Variants in EYA3 observed in about 807,000 individuals in gnomAD.
The protein encoded by EYA3 is protein phosphatase EYA3.
A neutral mutation model predicts 80.0 loss-of-function variants in EYA3; 39 were observed. The ratio of observed to expected loss-of-function variants is 0.49; its 90% CI spans 0.38 to 0.64. The LOEUF (loss-of-function observed/expected upper bound fraction) is 0.64. EYA3 is among the 30% of genes least tolerant of loss of function. The pLI, the probability that EYA3 is intolerant of heterozygous loss-of-function variation, is 0.00. For synonymous variants in EYA3, 206 were observed against 232.8 expected (o/e 0.88, Z 1.05); for missense variants, 523 against 676.1 (o/e 0.77, Z 2.51).
At chr1:28,027,479 T>C (rs1468214282) in intron 7 of EYA3, among the ~76,000 whole-genome samples, 1 of 152,272 alleles carries the variant, frequency 6.6e-6, no homozygotes, top group East Asian at 1.9e-4. Flanking sequence ...TGCTCATTTA[T>C]AGGACAAAAT....
At chr1:28,058,356 T>C (rs1385642030) in intron 1 of EYA3, among the ~76,000 whole-genome samples, 1 of 152,192 alleles carries the variant, frequency 6.6e-6, no homozygotes, top group Admixed American at 6.5e-5. Context: ...CCTAATGCAT[T>C]GAACATTTTA....
intron 1 of EYA3, among the ~76,000 whole-genome samples, chr1:28,059,319 C>G (rs1644537088): frequency 6.6e-6 from 1 of 152,242 alleles, no homozygotes; most frequent in Non-Finnish European, 1.5e-5. Flanking sequence ...GTCAGAAGCA[C>G]TTGATGCTCA....
intron 3 of EYA3, among the ~76,000 whole-genome samples, chr1:28,047,700 G>A (rs576120813): frequency 7.6e-4 from 113 of 149,630 alleles, no homozygotes; most frequent in African/African-American, 2.7e-3. Context: ...GTGCAGTGGC[G>A]CGATCTCAGC....
chr1:28,034,336 G>C (rs1643326842), intron 6 of EYA3, among the ~76,000 whole-genome samples: 1 of 152,010 alleles, frequency 6.6e-6, no homozygotes, highest in African/African-American at 2.4e-5. Flanking sequence ...CCTATTATTA[G>C]TCAACTGTTG....
At chr1:28,053,599 A>G (rs1346636606) in intron 2 of EYA3, among the ~76,000 whole-genome samples, 1 of 152,228 alleles carries the variant, frequency 6.6e-6, no homozygotes, top group Non-Finnish European at 1.5e-5. Flanking sequence ...CCTACTTCAT[A>G]GGGCTCATGT....
intron 2 of EYA3, among the ~76,000 whole-genome samples, chr1:28,050,110 A>G (rs991082199): frequency 6.6e-6 from 1 of 151,820 alleles, no homozygotes; most frequent in African/African-American, 2.4e-5. Context: ...TTAGTTAATC[A>G]ACTCCAAAAG....
At chr1:28,006,502 A>C (rs12137817) in intron 10 of EYA3, among the ~76,000 whole-genome samples, 39,616 of 152,004 alleles carry the variant, frequency 0.26, 5,227 homozygotes, top group Non-Finnish European at 0.28. Context: ...GTCAGGAGAT[A>C]GAGACCATCC....
Sources: gnomAD v4.1 joint callset for allele counts (sites outside exome capture counted in the v4.1 genomes callset) on GRCh38, gnomAD v4.1.1 for gene constraint, MANE v1.5 for transcripts, NCBI Gene and HGNC (gene_info 2026-07-23, HGNC 2026-07-21) for gene names.